Variants in ADAP1 observed in about 807,000 individuals in gnomAD.
ADAP1 encodes ArfGAP with dual PH domains 1.
Under a neutral mutation model 54.9 loss-of-function variants are expected in ADAP1, and 31 were observed. That is an observed-to-expected ratio of 0.56 (90% CI 0.42 to 0.76). ADAP1 has a LOEUF of 0.76. ADAP1 is among the 30% of genes least tolerant of loss of function. The pLI is 0.00. For missense variants in ADAP1, 535 were observed against 512.4 expected (o/e 1.04, Z -0.42); for synonymous variants, 313 against 202.6 (o/e 1.55, Z -4.63).
intron 4 of ADAP1, among the ~76,000 whole-genome samples, chr7:915,556 A>C (rs1845899616): frequency 1.3e-5 from 2 of 152,188 alleles, no homozygotes; most frequent in Admixed American, 1.3e-4. Flanking sequence ...CCCCGACTCT[A>C]CCCTGCTGGG....
chr7:935,545 G>C, intron 1 of ADAP1, 40 bp from the exon 2 acceptor site: 1 of 1,551,328 alleles, frequency 6.4e-7, no homozygotes. Context: ...GCTCAGCCCA[G>C]GGACCCCGGA....
rs897511124 is a variant in ADAP1, at chr7:914,759, C to A, written c.388+5209G>T. The stretch of plus-strand genomic sequence containing the variant: ...CAGGGCATCTCACAGGGCCCTGGAA[C>A]CCCGCCCTGCACAGCACCCAGAGAC... On this transcript the variant is annotated intron_variant, in intron 4 of 10. Coordinates refer to ENST00000265846, the MANE Select transcript of ADAP1 (RefSeq NM_006869.4). 2.6e-5 allele frequency among the ~76,000 whole-genome samples: 4 copies of A among 152,228 alleles called. No individual in the cohort carries two copies. In the East Asian group the frequency reaches 7.7e-4, roughly 29 times the overall value.
At position 907,632 on chromosome 7, in the gene ADAP1, T is replaced by TC. The variant is rs1845528050; in HGVS notation, c.389-2461dup. Among the ~76,000 whole-genome samples the TC allele has an allele frequency of 2.0e-5, 3 of 152,286 alleles. No individual in the cohort carries two copies. In the South Asian group the frequency reaches 6.2e-4, roughly 32 times the overall value. On this transcript the variant is annotated intron_variant, in intron 4 of 10. Coordinates refer to ENST00000265846, the MANE Select transcript of ADAP1 (RefSeq NM_006869.4). ...GTGGTTCCTATCGTTGCCCGTCCTTTCTCCTGCTCTGGAACTCTGTGTCCT... is the reference window on the plus strand; with the variant it reads ...GTGGTTCCTATCGTTGCCCGTCCTTTCCTCCTGCTCTGGAACTCTGTGTCCT...
chr7:900,605 G>A lies in ADAP1; in HGVS notation c.660C>T (p.Asp220=). The part of the protein sequence containing the change: ...IYHEDGKEIV[D]WFNALRAARF... ...GAGCAGCTCGGAGTGCATTGAACCA[G>A]TCCACAATCTCCTAGGGGCAAAGGT... Residue 220 remains aspartate (D), a synonymous_variant, in exon 7 of 11, where the codon GAC becomes GAT. Transcript: ENST00000265846. 6.3e-7 allele frequency: 1 copy of A among 1,588,226 alleles called. No individual in the cohort carries two copies.
Position 926,481 on chromosome 7 carries a change from G to T in ADAP1, c.305+72C>A. On this transcript the variant is annotated intron_variant, in intron 3 of 10. Coordinates refer to ENST00000265846, the MANE Select transcript of ADAP1 (RefSeq NM_006869.4). This position sits in a 1 kb window ranked among gnomAD's most constrained non-coding sequence, Gnocchi z 4.6. ...GCGGCACCCAACTCCCCACCCTGCC[G>T]GGTCCTCCCGGGGCCATCTCGGAGC... is the stretch of plus-strand genomic sequence containing the variant. 7.4e-7 allele frequency: 1 copy of T among 1,346,192 alleles called. No individual in the cohort carries two copies. The highest frequency in any genetic ancestry group is 9.9e-7 in the Non-Finnish European group (1 of 1,008,038). The allele number at this position is 1,346,192 out of a possible 1,614,324, so 83.4% of individuals were successfully genotyped here.
At position 920,832 on chromosome 7, in the gene ADAP1, C is replaced by G; in HGVS notation, c.306-782G>C. The G allele has an allele frequency of 6.5e-7, 1 of 1,550,220 alleles. No homozygotes were observed. The highest frequency in any genetic ancestry group is 2.0e-5 in the Admixed American group (1 of 50,980). Reference sequence around the variant, plus strand: ...AGAAACCACGACCCACACACAGGCCCGGCACGGCCCAGGTGCACAGGCAGC... The same window carrying G: ...AGAAACCACGACCCACACACAGGCCGGGCACGGCCCAGGTGCACAGGCAGC... On this transcript the variant is annotated intron_variant, in intron 3 of 10. Transcript: ENST00000265846. This position sits in a 1 kb window ranked among gnomAD's most constrained non-coding sequence, Gnocchi z 4.5.
intron 3 of ADAP1, among the ~76,000 whole-genome samples, chr7:925,588 G>A (rs544330444): frequency 4.0e-5 from 6 of 151,870 alleles, no homozygotes; most frequent in Non-Finnish European, 1.5e-5. Context: ...ACAGGGCCCC[G>A]GATGCTGGGG....
intron 4 of ADAP1, 175 bp from the exon 5 acceptor site, chr7:905,347 G>A (rs1845088085): frequency 2.5e-6 from 1 of 393,616 alleles, no homozygotes; most frequent in Non-Finnish European, 4.5e-6. Flanking sequence ...AGGGAGATAG[G>A]AAGATGGGCA....
chr7:899,518 G>T (rs1369185547), intron 8 of ADAP1, 28 bp from the exon 9 acceptor site: 1 of 1,606,114 alleles, frequency 6.2e-7, no homozygotes, highest in Admixed American at 1.7e-5. Flanking sequence ...CCCGTGACCG[G>T]CAGGTCGCCG....
At chr7:907,621 T>A (rs1429853594) in intron 4 of ADAP1, among the ~76,000 whole-genome samples, 1 of 152,184 alleles carries the variant, frequency 6.6e-6, no homozygotes, top group Non-Finnish European at 1.5e-5. Context: ...TTCCTATCGT[T>A]GCCCGTCCTT....
chr7:919,035 GGCCTCCCAGGCCCCCATGGCACT>G (rs1447282995), intron 4 of ADAP1, among the ~76,000 whole-genome samples: 1 of 152,166 alleles, frequency 6.6e-6, no homozygotes, highest in Non-Finnish European at 1.5e-5. Flanking sequence ...GGGGTGGGCT[GGCCTCCCAGGCCCCCATGGCACT>G]GCCTCCCAGC....
At chr7:954,280 AC>A (rs1847335516) in intron 1 of ADAP1, 115 bp downstream of exon 1, 1 of 919,310 alleles carries the variant, frequency 1.1e-6, no homozygotes, top group Non-Finnish European at 1.3e-6. Context: ...CAGCGCCGCC[AC>A]CCCCGCGGCG....
chr7:912,971 C>A (rs543018745), intron 4 of ADAP1, among the ~76,000 whole-genome samples: 2 of 151,718 alleles, frequency 1.3e-5, no homozygotes, highest in Admixed American at 1.3e-4. Context: ...ACCTCAGTGT[C>A]CTGAGTAGCT....
chr7:934,335 A>G lies in ADAP1; in HGVS notation c.213+1040T>C, dbSNP rs192535139. Among the ~76,000 whole-genome samples, 114 of 118,392 alleles carry G rather than the reference A, an allele frequency of 9.6e-4. 1 individual carries two copies. The highest frequency in any genetic ancestry group is 3.4e-3 in the African/African-American group (107 of 31,020). The allele number at this position is 118,392 out of a possible 152,430, so 77.7% of individuals were successfully genotyped here. The stretch of plus-strand genomic sequence containing the variant: ...CCGGGGTCAGTGGTGCTGGAGAACC[A>G]GGGGCTGGGATCAGTGGTCCTGGAG... On this transcript the variant is annotated intron_variant, in intron 2 of 10. Coordinates refer to ENST00000265846, the MANE Select transcript of ADAP1 (RefSeq NM_006869.4).
intron 4 of ADAP1, among the ~76,000 whole-genome samples, chr7:906,696 T>TGG (rs1562915237): frequency 4.0e-5 from 1 of 25,042 alleles, no homozygotes; most frequent in East Asian, 2.5e-3. Flanking sequence ...ACGGGGGACA[T>TGG]GGACATGGGG....
intron 4 of ADAP1, among the ~76,000 whole-genome samples, chr7:906,062 AG>A (rs368108688): frequency 0.037 from 277 of 7,432 alleles, 81 homozygotes; most frequent in African/African-American, 0.31. Context: ...GAAAGGAGAA[AG>A]GGAGAAAGGA....
chr7:951,963 G>T (rs528967810), intron 1 of ADAP1, among the ~76,000 whole-genome samples: 1 of 152,152 alleles, frequency 6.6e-6, no homozygotes, highest in Non-Finnish European at 1.5e-5. Context: ...CACCGCGCCC[G>T]GTCCCTGTCC....
At chr7:954,842 C>G (rs1254712588), upstream of ADAP1, 4 of 601,188 alleles carry the variant, frequency 6.7e-6, no homozygotes, top group African/African-American at 2.0e-5. Flanking sequence ...CGCCCGCCCC[C>G]CATCCGCGCG....
intron 4 of ADAP1, among the ~76,000 whole-genome samples, chr7:918,805 T>G (rs1846039571): frequency 6.6e-6 from 1 of 152,160 alleles, no homozygotes; most frequent in African/African-American, 2.4e-5. Context: ...AGGCCCACAG[T>G]ACCCGAGCCC....
Sources: allele counts gnomAD v4.1 joint callset (sites outside exome capture counted in the v4.1 genomes callset), GRCh38; gene constraint gnomAD v4.1.1; non-coding constraint Gnocchi (gnomAD v3.1); transcripts MANE v1.5; gene names NCBI Gene and HGNC (gene_info 2026-07-23, HGNC 2026-07-21).